Variants in WWOX observed in about 807,000 individuals in gnomAD.
WWOX encodes the protein WW domain containing oxidoreductase.
In WWOX, 69 loss-of-function variants were observed where a neutral mutation model predicts 46.2. That is an observed-to-expected ratio of 1.49 (90% CI 1.23 to 1.82). WWOX has a LOEUF of 1.82. Ranked by LOEUF, WWOX falls within the 40% of genes most tolerant of loss-of-function variation. WWOX has a pLI of 0.00. For missense variants in WWOX, 919 were observed against 542.6 expected (o/e 1.69, Z -6.89); for synonymous variants, 359 against 202.6 (o/e 1.77, Z -6.56).
intron 8 of WWOX, among the ~76,000 whole-genome samples, chr16:78,465,830 T>C (rs1290417351): frequency 6.6e-6 from 1 of 152,206 alleles, no homozygotes; most frequent in Non-Finnish European, 1.5e-5. Flanking sequence ...ACAGTCTGAA[T>C]TGCATTCTGT....
intron 8 of WWOX, among the ~76,000 whole-genome samples, chr16:78,851,918 C>T (rs780537485): frequency 6.6e-6 from 1 of 152,198 alleles, no homozygotes; most frequent in African/African-American, 2.4e-5. Flanking sequence ...TCATGCCCAT[C>T]TTCAGCATCA....
intron 8 of WWOX, among the ~76,000 whole-genome samples, chr16:79,116,282 T>C (rs2049514394): frequency 6.6e-6 from 1 of 152,198 alleles, no homozygotes; most frequent in Non-Finnish European, 1.5e-5. Context: ...GGATTGACTC[T>C]TCCTTTTACA....
chr16:78,440,092 C>T (rs767724811), intron 8 of WWOX, among the ~76,000 whole-genome samples: 6 of 150,198 alleles, frequency 4.0e-5, no homozygotes, highest in Non-Finnish European at 9.0e-5. Context: ...GAGTGGCAGG[C>T]GAACTCTGAT....
rs17644535 is a variant in WWOX, at chr16:79,022,548, C to G, written c.1057-189060C>G. ...TTCCCGATGATTGCTCATTCTCTTT[C>G]CAATAATATCTTTGCAGGACAAAGA... On this transcript the variant is annotated intron_variant, in intron 8 of 8. Transcript: ENST00000566780. Among the ~76,000 whole-genome samples the G allele has an allele frequency of 7.5e-3, 1,144 of 152,138 alleles. 13 individuals carry two copies. The highest frequency in any genetic ancestry group is 9.2e-3 in the Non-Finnish European group (626 of 67,988).
intron 8 of WWOX, among the ~76,000 whole-genome samples, chr16:78,872,093 T>C (rs1307052812): frequency 6.6e-6 from 1 of 152,222 alleles, no homozygotes; most frequent in Non-Finnish European, 1.5e-5. Context: ...GACGTTCATT[T>C]CCACTTCTAA....
chr16:79,146,116 G>C (rs1189859660), intron 8 of WWOX, among the ~76,000 whole-genome samples: 1 of 152,090 alleles, frequency 6.6e-6, no homozygotes, highest in East Asian at 1.9e-4. Context: ...TGTATTCCTG[G>C]TAACTTGCAT....
intron 5 of WWOX, among the ~76,000 whole-genome samples, chr16:78,251,931 T>C (rs1255911009): frequency 1.3e-5 from 2 of 152,258 alleles, no homozygotes; most frequent in African/African-American, 4.8e-5. Flanking sequence ...TTAAGAGTTG[T>C]CAATACATCT....
intron 5 of WWOX, among the ~76,000 whole-genome samples, chr16:78,207,856 A>G (rs1334795758): frequency 1.3e-5 from 2 of 151,504 alleles, no homozygotes; most frequent in Non-Finnish European, 1.5e-5. Context: ...TCTTTTGCTC[A>G]GGCTGGAGTA....
intron 8 of WWOX, among the ~76,000 whole-genome samples, chr16:78,499,642 G>C (rs1160967198): frequency 6.6e-6 from 1 of 152,044 alleles, no homozygotes; most frequent in Non-Finnish European, 1.5e-5. Context: ...TCTGGTAGTT[G>C]TTTGTGCCTG....
At chr16:78,407,047 T>C (rs551060624) in intron 6 of WWOX, among the ~76,000 whole-genome samples, 23 of 152,326 alleles carry the variant, frequency 1.5e-4, no homozygotes, top group Admixed American at 9.8e-4. Context: ...GATTTGACCT[T>C]ACCTGGACTG....
At chr16:78,286,720 T>C (rs1266868471) in intron 5 of WWOX, among the ~76,000 whole-genome samples, 3 of 152,122 alleles carry the variant, frequency 2.0e-5, no homozygotes, top group Non-Finnish European at 4.4e-5. Flanking sequence ...TAAAATACAA[T>C]GAATCCACAA....
chr16:78,162,714 GAAC>G (rs1362740214), intron 4 of WWOX, among the ~76,000 whole-genome samples: 1 of 151,990 alleles, frequency 6.6e-6, no homozygotes, highest in Non-Finnish European at 1.5e-5. Context: ...ACTTGTTTTG[GAAC>G]TCAGATTACA....
chr16:79,028,059 C>T (rs983603993), intron 8 of WWOX, among the ~76,000 whole-genome samples: 1 of 151,840 alleles, frequency 6.6e-6, no homozygotes, highest in Admixed American at 6.5e-5. Flanking sequence ...TCACGCCATT[C>T]TCCTGCTCTG....
At chr16:78,284,208 G>C (rs2079731523) in intron 5 of WWOX, among the ~76,000 whole-genome samples, 1 of 152,106 alleles carries the variant, frequency 6.6e-6, no homozygotes, top group Admixed American at 6.5e-5. Flanking sequence ...CCTCTTCTTC[G>C]GGAGCCAAGT....
At chr16:78,836,743 C>T (rs2051995843) in intron 8 of WWOX, among the ~76,000 whole-genome samples, 1 of 152,184 alleles carries the variant, frequency 6.6e-6, no homozygotes. Flanking sequence ...AGAGATGAGG[C>T]TGGACCCCAG....
intron 8 of WWOX, among the ~76,000 whole-genome samples, chr16:78,751,575 A>G (rs1597547353): frequency 6.6e-6 from 1 of 150,966 alleles, no homozygotes; most frequent in Non-Finnish European, 1.5e-5. Context: ...ACAGTTTACT[A>G]AAAATAACAA....
chr16:78,783,825 A>G (rs552084334), intron 8 of WWOX, among the ~76,000 whole-genome samples: 1 of 146,368 alleles, frequency 6.8e-6, no homozygotes, highest in Non-Finnish European at 1.6e-5. Flanking sequence ...TGGTGATAAG[A>G]TGCTGATGGT....
chr16:78,856,709 T>G (rs1034808930), intron 8 of WWOX, among the ~76,000 whole-genome samples: 1 of 152,100 alleles, frequency 6.6e-6, no homozygotes, highest in Non-Finnish European at 1.5e-5. Flanking sequence ...ATTCAGTACT[T>G]TAAAAAAATG....
chr16:78,737,762 C>G (rs550354528), intron 8 of WWOX, among the ~76,000 whole-genome samples: 2 of 152,188 alleles, frequency 1.3e-5, no homozygotes, highest in Non-Finnish European at 2.9e-5. Flanking sequence ...TTCTTCCTCA[C>G]CTGATTTCCC....
Sources: allele counts gnomAD v4.1 joint callset (sites outside exome capture counted in the v4.1 genomes callset), GRCh38; gene constraint gnomAD v4.1.1; transcripts MANE v1.5; gene names NCBI Gene and HGNC (gene_info 2026-07-23, HGNC 2026-07-21).